ADAM12: variants seen among roughly 807,000 people sequenced by gnomAD.
ADAM12 encodes the protein ADAM metallopeptidase domain 12.
ADAM12 carries 70 observed loss-of-function variants against 106.4 expected under a neutral mutation model. The observed-to-expected ratio is 0.66, with a 90% CI of 0.54 to 0.80. The LOEUF (loss-of-function observed/expected upper bound fraction) is 0.80, where lower values mean the gene tolerates loss of function less well. ADAM12 is among the 30% of genes least tolerant of loss of function. ADAM12 has a pLI of 0.00. For missense variants in ADAM12, 1,010 were observed against 1,171.9 expected, an observed-to-expected ratio of 0.86 and a Z score of 2.02; for synonymous variants, 420 against 433.5, an observed-to-expected ratio of 0.97 and a Z score of 0.39.
At chr10:126,173,411 G>A (rs370994228) in intron 3 of ADAM12, among the ~76,000 whole-genome samples, 73 of 152,014 alleles carry the variant, frequency 4.8e-4, no homozygotes, top group African/African-American at 1.6e-3. Context: ...GCTGACAATC[G>A]GTGCAGATGA....
intron 3 of ADAM12, among the ~76,000 whole-genome samples, chr10:126,163,831 C>T (rs1956978931): frequency 1.3e-5 from 2 of 152,182 alleles, no homozygotes; most frequent in South Asian, 2.1e-4. Flanking sequence ...TAGCACAATG[C>T]CTAGCATAGA....
chr10:126,312,554 C>T (rs1961155841), intron 2 of ADAM12, among the ~76,000 whole-genome samples: 1 of 151,796 alleles, frequency 6.6e-6, no homozygotes, highest in African/African-American at 2.4e-5. Context: ...TCTGGGTGGT[C>T]AGGGAAAGCT....
At chr10:126,091,789 T>A (rs1180832542) in intron 11 of ADAM12, among the ~76,000 whole-genome samples, 1 of 152,206 alleles carries the variant, frequency 6.6e-6, no homozygotes, top group Non-Finnish European at 1.5e-5. Flanking sequence ...CTTGCTATTG[T>A]GCCTTCAGAA....
chr10:126,081,267 G>T (rs969506219), intron 11 of ADAM12, among the ~76,000 whole-genome samples: 1 of 152,182 alleles, frequency 6.6e-6, no homozygotes, highest in Non-Finnish European at 1.5e-5. Context: ...GAACAGCCAG[G>T]CAGCGGCTGA....
intron 3 of ADAM12, among the ~76,000 whole-genome samples, chr10:126,259,166 A>G (rs1390337372): frequency 2.6e-5 from 4 of 152,172 alleles, no homozygotes; most frequent in African/African-American, 9.7e-5. Context: ...CAGACGTCAA[A>G]CTGAGGCTTA....
chr10:126,036,482 G>GTATT (rs1371325286), intron 20 of ADAM12, among the ~76,000 whole-genome samples, 157 bp from the exon 21 acceptor site: 2 of 152,136 alleles, frequency 1.3e-5, no homozygotes, highest in African/African-American at 2.4e-5. Flanking sequence ...AATTATTTTT[G>GTATT]TATTTATTTA....
At chr10:126,283,601 TCTC>T (rs752315724) in intron 2 of ADAM12, among the ~76,000 whole-genome samples, 13 of 152,278 alleles carry the variant, frequency 8.5e-5, no homozygotes, top group Middle Eastern at 3.4e-3. Context: ...TTGATTTTCT[TCTC>T]CTGTGAAATA....
chr10:126,084,832 G>A (rs1289524904), intron 11 of ADAM12, among the ~76,000 whole-genome samples: 2 of 152,202 alleles, frequency 1.3e-5, no homozygotes, highest in Non-Finnish European at 2.9e-5. Context: ...AATGGATCAG[G>A]AGCCTGAGGC....
intron 8 of ADAM12, among the ~76,000 whole-genome samples, chr10:126,106,720 G>A (rs111990427): frequency 0.014 from 2,084 of 151,984 alleles, 38 homozygotes; most frequent in East Asian, 0.055. Context: ...TCTTGACCTC[G>A]TGATCCGCCC....
chr10:126,169,983 C>T (rs550221913), intron 3 of ADAM12, among the ~76,000 whole-genome samples: 6 of 152,138 alleles, frequency 3.9e-5, no homozygotes, highest in Non-Finnish European at 8.8e-5. Flanking sequence ...GGGCTGATGA[C>T]CTTGTAAGTG....
intron 1 of ADAM12, among the ~76,000 whole-genome samples, chr10:126,378,570 ATG>A (rs988120633): frequency 2.0e-5 from 3 of 152,132 alleles, no homozygotes; most frequent in Non-Finnish European, 4.4e-5. Flanking sequence ...GATTAGGGGT[ATG>A]TGTGTGTGTA....
At position 126,155,303 on chromosome 10, in the gene ADAM12, C is replaced by A. The variant is rs1956794881; in HGVS notation, c.263G>T (p.Gly88Val). Reference sequence around the variant, plus strand: ...TTCCGTGAAACTGCTGGCAATGAGACCTCTGCGGAAAAACAAAAACACCAT... The same window carrying A: ...TTCCGTGAAACTGCTGGCAATGAGAACTCTGCGGAAAAACAAAAACACCAT... ...ELIINLERNE[G>V]LIASSFTETH... Residue 88 changes from glycine (G) to valine (V), a missense_variant and splice_region_variant, in exon 4 of 23, where the codon GGT (glycine) becomes GTT (valine). Coordinates refer to ENST00000448723, the MANE Select transcript of ADAM12 (RefSeq NM_001288973.2). 2 of 1,613,788 alleles carry A rather than the reference C, an allele frequency of 1.2e-6. No homozygotes were observed. The highest frequency in any genetic ancestry group is 1.7e-6 in the Non-Finnish European group (2 of 1,179,842).
chr10:126,150,681 A>G (rs112317749), intron 4 of ADAM12, among the ~76,000 whole-genome samples: 2 of 152,100 alleles, frequency 1.3e-5, no homozygotes, highest in Non-Finnish European at 2.9e-5. Context: ...CACTAACTAC[A>G]ATGGGCCCAT....
At chr10:126,042,876 GA>G (rs1954212134) in intron 18 of ADAM12, among the ~76,000 whole-genome samples, 163 bp downstream of exon 18, 1 of 151,422 alleles carries the variant, frequency 6.6e-6, no homozygotes, top group Non-Finnish European at 1.5e-5. Flanking sequence ...GCAGGGATGA[GA>G]GGGGCATCTG....
At chr10:126,137,907 C>T (rs187388571) in intron 4 of ADAM12, among the ~76,000 whole-genome samples, 12 of 152,250 alleles carry the variant, frequency 7.9e-5, no homozygotes, top group East Asian at 5.8e-4. Flanking sequence ...TGAGTAGACA[C>T]GTGGGTCTAA....
intron 1 of ADAM12, among the ~76,000 whole-genome samples, chr10:126,365,882 T>C (rs1414940241): frequency 6.6e-6 from 1 of 152,186 alleles, no homozygotes; most frequent in Non-Finnish European, 1.5e-5. Context: ...TGCTTACTCC[T>C]GTCTTAAATC....
intron 3 of ADAM12, among the ~76,000 whole-genome samples, chr10:126,221,194 G>T (rs1167633559): frequency 6.6e-6 from 1 of 152,098 alleles, no homozygotes; most frequent in Admixed American, 6.5e-5. Context: ...GACCAGCCTG[G>T]CCAATATGGT....
chr10:126,212,444 T>A (rs886294216), intron 3 of ADAM12, among the ~76,000 whole-genome samples: 7 of 152,226 alleles, frequency 4.6e-5, no homozygotes, highest in Non-Finnish European at 8.8e-5. Context: ...GTGAAAAAAT[T>A]AAGATGTACT....
intron 3 of ADAM12, among the ~76,000 whole-genome samples, chr10:126,216,436 T>C (rs975366735): frequency 2.6e-5 from 4 of 152,244 alleles, no homozygotes; most frequent in African/African-American, 9.6e-5. Flanking sequence ...TTCCCAACTG[T>C]TACAGAGCTC....
Sources: allele counts gnomAD v4.1 joint callset (sites outside exome capture counted in the v4.1 genomes callset), GRCh38; gene constraint gnomAD v4.1.1; transcripts MANE v1.5; gene names NCBI Gene and HGNC (gene_info 2026-07-23, HGNC 2026-07-21).